The following SDK1 variants were observed in gnomAD, a reference collection of about 807,000 sequenced individuals.
The protein encoded by SDK1 is sidekick cell adhesion molecule 1.
SDK1 carries 157 observed loss-of-function variants against 245.5 expected under a neutral mutation model. The ratio of observed to expected loss-of-function variants is 0.64; its 90% CI spans 0.56 to 0.73. SDK1 has a LOEUF of 0.73. Among genes scored for constraint, SDK1 ranks in the 30% least tolerant of loss-of-function variants. SDK1 has a pLI of 0.00. For synonymous variants in SDK1, 1,647 were observed against 1,278.5 expected (o/e 1.29, Z -6.15); for missense variants, 3,583 against 3,002.3 (o/e 1.19, Z -4.52).
At chr7:3,882,043 G>C (rs753456590) in intron 5 of SDK1, among the ~76,000 whole-genome samples, 3 of 152,128 alleles carry the variant, frequency 2.0e-5, no homozygotes, top group Non-Finnish European at 4.4e-5. Flanking sequence ...CAATCATGGC[G>C]GAAGGCAAAA....
chr7:3,655,448 AATATATATATATATATAT>A (rs1194322286), intron 4 of SDK1, among the ~76,000 whole-genome samples: 1,812 of 66,266 alleles, frequency 0.027, 55 homozygotes, highest in East Asian at 0.031. Context: ...AAACAAAACA[AATATATATATATATATAT>A]ATATATATAT....
chr7:4,006,365 G>GA (rs1347066938), intron 14 of SDK1, among the ~76,000 whole-genome samples: 3 of 152,108 alleles, frequency 2.0e-5, no homozygotes, highest in Non-Finnish European at 2.9e-5. Flanking sequence ...TGAAGGGGAG[G>GA]AAAAAAGGTA....
intron 5 of SDK1, among the ~76,000 whole-genome samples, chr7:3,874,320 C>G (rs947619135): frequency 6.6e-6 from 1 of 152,216 alleles, no homozygotes; most frequent in South Asian, 2.1e-4. Context: ...TTTGAGTCTT[C>G]TCTTTGCACT....
At chr7:3,321,778 CTCCTTCCTTCCT>C (rs1186428883) in intron 1 of SDK1, among the ~76,000 whole-genome samples, 1,150 of 50,336 alleles carry the variant, frequency 0.023, 31 homozygotes, top group African/African-American at 0.051. Flanking sequence ...TTCCTTCCTT[CTCCTTCCTTCCT>C]TCCTTCCTTC....
intron 5 of SDK1, among the ~76,000 whole-genome samples, chr7:3,901,873 A>AATATGTT (rs1377892534): frequency 6.6e-6 from 1 of 152,152 alleles, no homozygotes; most frequent in Non-Finnish European, 1.5e-5. Context: ...GTGTTAATTG[A>AATATGTT]ATATGTTATA....
intron 1 of SDK1, among the ~76,000 whole-genome samples, chr7:3,323,124 G>A (rs1325365985): frequency 6.6e-6 from 1 of 152,094 alleles, no homozygotes; most frequent in South Asian, 2.1e-4. Flanking sequence ...TTTGTTTGCA[G>A]GTCCCTTTAA....
rs185825473 is a variant in SDK1, at chr7:4,021,570, G to C, written c.2602+4218G>C. Among the ~76,000 whole-genome samples, 157 of 152,284 alleles carry C rather than the reference G, an allele frequency of 1.0e-3. 1 individual carries two copies. Among genetic ancestry groups the C allele is most frequent in the Admixed American group, 2.7e-3 (42 of 15,302 alleles). ...TTCAGGGTTCTTTGTCTTTTTGGCT[G>C]CCACTTTAGCACGTGCCTCAGGTCA... is the stretch of plus-strand genomic sequence containing the variant. On this transcript the variant is annotated intron_variant, in intron 17 of 44. Coordinates refer to ENST00000404826, the MANE Select transcript of SDK1 (RefSeq NM_152744.4).
chr7:3,376,839 C>G (rs1781367780), intron 1 of SDK1, among the ~76,000 whole-genome samples: 1 of 152,036 alleles, frequency 6.6e-6, no homozygotes, highest in African/African-American at 2.4e-5. Context: ...AATTTTCTTC[C>G]TTTTTCTTTT....
rs1292199670 is a variant in SDK1, at chr7:3,418,145, G to GCAAAAAAAAAAAA, written c.298+116261_298+116262insCAAAAAAAAAAAA. 4.1e-3 allele frequency among the ~76,000 whole-genome samples: 488 copies of GCAAAAAAAAAAAA among 119,668 alleles called. 70 individuals are homozygous for GCAAAAAAAAAAAA. The highest frequency in any genetic ancestry group is 0.018 in the African/African-American group (459 of 25,734). The allele number at this position is 119,668 out of a possible 152,430, so 78.5% of individuals were successfully genotyped here. Reference sequence around the variant, plus strand: ...GTGAAACCCGATCTCTACTAAAAATGAAAAAAAAAAAAAAAAAAAAAAATA... The same window carrying GCAAAAAAAAAAAA: ...GTGAAACCCGATCTCTACTAAAAATGCAAAAAAAAAAAAAAAAAAAAAAAAAAAAAAAAAAATA... On this transcript the variant is annotated intron_variant, in intron 1 of 44. Coordinates refer to ENST00000404826, the MANE Select transcript of SDK1 (RefSeq NM_152744.4).
chr7:4,151,320 C>T (rs1159903380), intron 30 of SDK1, among the ~76,000 whole-genome samples: 3 of 152,208 alleles, frequency 2.0e-5, no homozygotes, highest in Admixed American at 6.5e-5. Flanking sequence ...TCTCATGGTC[C>T]AAGCAGCCCT....
At chr7:3,351,121 G>C (rs990208441) in intron 1 of SDK1, among the ~76,000 whole-genome samples, 1 of 152,160 alleles carries the variant, frequency 6.6e-6, no homozygotes, top group South Asian at 2.1e-4. Context: ...GCAGTTCTGA[G>C]AGCCTACTGT....
chr7:3,551,559 G>A (rs1387451610), intron 1 of SDK1, among the ~76,000 whole-genome samples: 1 of 149,878 alleles, frequency 6.7e-6, no homozygotes. Context: ...TTGCCTCATT[G>A]GTTTTTTTTT....
At chr7:3,570,521 A>T (rs1049461391) in intron 1 of SDK1, among the ~76,000 whole-genome samples, 1 of 151,764 alleles carries the variant, frequency 6.6e-6, no homozygotes, top group African/African-American at 2.4e-5. Flanking sequence ...CTTTCCCCCA[A>T]CTCTTCTCTG....
chr7:3,514,495 T>C (rs566323822), intron 1 of SDK1, among the ~76,000 whole-genome samples: 2 of 152,306 alleles, frequency 1.3e-5, no homozygotes, highest in East Asian at 3.9e-4. Flanking sequence ...CAGGGTTGGT[T>C]TGGCGGTCCC....
At chr7:3,580,653 G>A (rs1188833264) in intron 1 of SDK1, among the ~76,000 whole-genome samples, 1 of 152,072 alleles carries the variant, frequency 6.6e-6, no homozygotes, top group Non-Finnish European at 1.5e-5. Context: ...AGACTTAAAT[G>A]TAAAACCCAA....
intron 1 of SDK1, among the ~76,000 whole-genome samples, chr7:3,332,237 CTTAT>C (rs757508492): frequency 4.6e-5 from 7 of 151,968 alleles, no homozygotes; most frequent in Non-Finnish European, 1.0e-4. Flanking sequence ...TTTAAGTCTC[CTTAT>C]TTTATTCTCG....
intron 17 of SDK1, among the ~76,000 whole-genome samples, 182 bp downstream of exon 17, chr7:4,017,534 C>T (rs907730154): frequency 5.9e-5 from 9 of 152,126 alleles, no homozygotes; most frequent in East Asian, 3.8e-4. Context: ...AAAACAGAAC[C>T]GTAGACAGGA....
chr7:3,657,251 T>G (rs2099301), intron 4 of SDK1, among the ~76,000 whole-genome samples: 142,802 of 152,208 alleles, frequency 0.94, 67,069 homozygotes, highest in Admixed American at 0.97. Context: ...AAGGCAGTCG[T>G]ACAAAGACAG....
intron 5 of SDK1, among the ~76,000 whole-genome samples, chr7:3,928,168 C>T (rs895881660): frequency 6.6e-6 from 1 of 152,166 alleles, no homozygotes; most frequent in African/African-American, 2.4e-5. Flanking sequence ...ATAGAATTCT[C>T]CGTTAATATA....
Sources: gnomAD v4.1 joint callset for allele counts (sites outside exome capture counted in the v4.1 genomes callset) on GRCh38, gnomAD v4.1.1 for gene constraint, MANE v1.5 for transcripts, NCBI Gene and HGNC (gene_info 2026-07-23, HGNC 2026-07-21) for gene names.